Variants in ADK observed in about 807,000 individuals in gnomAD.
The protein encoded by ADK is N6,N6-dimethyladenosine kinase.
Under a neutral mutation model 44.7 loss-of-function variants are expected in ADK, and 24 were observed. The ratio of observed to expected loss-of-function variants is 0.54; its 90% confidence interval spans 0.39 to 0.76. The LOEUF (loss-of-function observed/expected upper bound fraction) is 0.76, where lower values mean the gene tolerates loss of function less well. ADK is among the 30% of genes least tolerant of loss of function. The pLI is 0.00. For synonymous variants in ADK, 128 were observed against 142.6 expected, an observed-to-expected ratio of 0.90 and a Z score of 0.73; for missense variants, 321 against 425.1, an observed-to-expected ratio of 0.76 and a Z score of 2.15.
intron 1 of ADK, among the ~76,000 whole-genome samples, chr10:74,175,374 C>CAAAAAAAAAAAAAA (rs1224759058): frequency 1.1e-5 from 1 of 87,152 alleles, no homozygotes; most frequent in African/African-American, 4.4e-5. Context: ...GACTCCAGCT[C>CAAAAAAAAAAAAAA]AAAAAAAAAA....
intron 10 of ADK, among the ~76,000 whole-genome samples, chr10:74,690,061 T>G (rs1175608780): frequency 2.0e-5 from 3 of 152,220 alleles, no homozygotes; most frequent in African/African-American, 7.2e-5. Context: ...TACAGTAGAT[T>G]CCCATTTGAT....
rs186217152 is a variant in ADK at position 74,633,426 on chromosome 10, A to G, written c.877+32933A>G. 2.1e-3 allele frequency among the ~76,000 whole-genome samples: 325 copies of G among 152,332 alleles called. 1 individual carries two copies. The highest frequency in any genetic ancestry group is 0.01 in the Middle Eastern group (3 of 294). On this transcript the variant is annotated intron_variant, in intron 9 of 10. Transcript: ENST00000539909. ...CAACAAATATAACAGCACTATTTGC[A>G]ATGACCAAAATAATTGGAAACAACC...
chr10:74,480,904 C>T (rs1463852844), intron 6 of ADK, among the ~76,000 whole-genome samples: 37 of 152,064 alleles, frequency 2.4e-4, no homozygotes, highest in Admixed American at 2.3e-3. Flanking sequence ...TATTCCATTG[C>T]GTTATTTTTT....
chr10:74,512,430 G>A lies in ADK; in HGVS notation c.556-12826G>A, dbSNP rs185860676. 3.1e-3 allele frequency among the ~76,000 whole-genome samples: 433 copies of A among 141,734 alleles called. 4 individuals carry two copies. Among genetic ancestry groups the A allele is most frequent in the Middle Eastern group, 0.019 (5 of 262 alleles). The allele number at this position is 141,734 out of a possible 152,430, so 93.0% of individuals were successfully genotyped here. On this transcript the variant is annotated intron_variant, in intron 6 of 10. Coordinates refer to ENST00000539909, the MANE Select transcript of ADK (RefSeq NM_006721.4). ...TTTTTTTTTTTTTTTGGTGTTGGAA[G>A]ACTTTTTGTTATTAAATCAATCTTG...
At chr10:74,285,499 T>C (rs985407842) in intron 3 of ADK, among the ~76,000 whole-genome samples, 1 of 152,184 alleles carries the variant, frequency 6.6e-6, no homozygotes, top group Non-Finnish European at 1.5e-5. Context: ...GACATTAAAC[T>C]AGGTTGTATT....
intron 6 of ADK, among the ~76,000 whole-genome samples, chr10:74,405,887 T>C (rs1050657381): frequency 6.6e-6 from 1 of 152,148 alleles, no homozygotes; most frequent in African/African-American, 2.4e-5. Context: ...TTAATACTTT[T>C]GGATGTTTCT....
intron 6 of ADK, among the ~76,000 whole-genome samples, chr10:74,449,053 T>C (rs10762618): frequency 0.61 from 92,384 of 151,970 alleles, 30,471 homozygotes; most frequent in Middle Eastern, 0.77. Flanking sequence ...TGATCGATTT[T>C]GAGGAATTGG....
chr10:74,213,006 T>A (rs1210808263), intron 2 of ADK, among the ~76,000 whole-genome samples: 1 of 152,110 alleles, frequency 6.6e-6, no homozygotes, highest in Non-Finnish European at 1.5e-5. Flanking sequence ...CTTGAAAGAT[T>A]GAATTGAGTT....
Position 74,276,153 on chromosome 10 carries a change from C to T in ADK, c.195-38514C>T, listed in dbSNP as rs56013388. The stretch of plus-strand genomic sequence containing the variant: ...CCCATTGCACGTGCGCTCAGCTCTT[C>T]TCGTAAATATGAATAGCTTTCCCCT... On this transcript the variant is annotated intron_variant, in intron 3 of 10. Coordinates refer to ENST00000539909, the MANE Select transcript of ADK (RefSeq NM_006721.4). Among the ~76,000 whole-genome samples, 1,367 of 152,238 alleles carry T rather than the reference C, an allele frequency of 9.0e-3. 13 individuals are homozygous for T. The highest frequency in any genetic ancestry group is 0.016 in the Non-Finnish European group (1,071 of 68,012).
chr10:74,313,150 C>G (rs1840502734), intron 3 of ADK, among the ~76,000 whole-genome samples: 1 of 151,738 alleles, frequency 6.6e-6, no homozygotes, highest in South Asian at 2.1e-4. Flanking sequence ...TATTTAAAAC[C>G]TTTTTAAAAA....
chr10:74,684,189 T>G (rs1855712989), intron 10 of ADK, among the ~76,000 whole-genome samples: 1 of 152,200 alleles, frequency 6.6e-6, no homozygotes, highest in Admixed American at 6.5e-5. Context: ...ACTTGGGAGT[T>G]TTGTAGCTTA....
At chr10:74,206,858 C>T (rs1348514628) in intron 2 of ADK, among the ~76,000 whole-genome samples, 2 of 152,086 alleles carry the variant, frequency 1.3e-5, no homozygotes, top group Non-Finnish European at 2.9e-5. Flanking sequence ...CTTAGGGTGT[C>T]GCTTTTCCAG....
At chr10:74,196,821 C>A (rs933243612) in intron 1 of ADK, among the ~76,000 whole-genome samples, 2 of 152,128 alleles carry the variant, frequency 1.3e-5, no homozygotes, top group Admixed American at 1.3e-4. Flanking sequence ...TACCCCTTTA[C>A]TTAAAAAAGC....
intron 6 of ADK, among the ~76,000 whole-genome samples, chr10:74,455,840 GGCTT>G (rs1845925698): frequency 6.6e-6 from 1 of 152,050 alleles, no homozygotes; most frequent in Non-Finnish European, 1.5e-5. Flanking sequence ...ACTCTCTTCT[GGCTT>G]ATAGGGTTTC....
intron 9 of ADK, among the ~76,000 whole-genome samples, chr10:74,645,794 A>G (rs932015719): frequency 2.6e-5 from 4 of 152,252 alleles, no homozygotes; most frequent in Non-Finnish European, 5.9e-5. Flanking sequence ...AAGAACTTTT[A>G]GAAGCAGTTG....
At chr10:74,342,141 A>T (rs1012961398) in intron 4 of ADK, among the ~76,000 whole-genome samples, 1 of 152,126 alleles carries the variant, frequency 6.6e-6, no homozygotes, top group Non-Finnish European at 1.5e-5. Flanking sequence ...TTGCAATTCC[A>T]AGTGAATTTT....
intron 1 of ADK, among the ~76,000 whole-genome samples, chr10:74,194,241 G>C (rs925019803): frequency 2.0e-5 from 3 of 152,070 alleles, no homozygotes; most frequent in Non-Finnish European, 4.4e-5. Context: ...TACAAGCAGA[G>C]TCTTATTCAA....
chr10:74,486,679 C>T (rs1425109963), intron 6 of ADK, among the ~76,000 whole-genome samples: 1 of 152,128 alleles, frequency 6.6e-6, no homozygotes, highest in African/African-American at 2.4e-5. Flanking sequence ...GTTCCAGTCC[C>T]AGTTTTGTCC....
intron 6 of ADK, among the ~76,000 whole-genome samples, chr10:74,462,190 A>T (rs1281034379): frequency 3.3e-5 from 5 of 152,138 alleles, no homozygotes; most frequent in Non-Finnish European, 7.4e-5. Context: ...AACATTGCTT[A>T]GGATAGTTTT....
Sources: gnomAD v4.1 joint callset for allele counts (sites outside exome capture counted in the v4.1 genomes callset) on GRCh38, gnomAD v4.1.1 for gene constraint, MANE v1.5 for transcripts, NCBI Gene and HGNC (gene_info 2026-07-23, HGNC 2026-07-21) for gene names.